RAB30: variants seen among roughly 807,000 people sequenced by gnomAD.
RAB30 encodes the protein RAB30, member RAS oncogene family.
In RAB30, 9 loss-of-function variants were observed where a neutral mutation model predicts 25.1. The observed-to-expected ratio is 0.36, with a 90% CI of 0.22 to 0.63. The LOEUF (loss-of-function observed/expected upper bound fraction) is 0.63, where lower values mean the gene tolerates loss of function less well. Ranked by LOEUF, RAB30 falls within the 20% of genes least tolerant of loss-of-function variation. The probability of loss-of-function intolerance (pLI) is 0.69; values close to 1 mark genes in which losing one functional copy is unlikely to be tolerated. For synonymous variants in RAB30, 77 were observed against 86.4 expected (o/e 0.89, Z 0.60); for missense variants, 140 against 243.5 (o/e 0.58, Z 2.83).
intron 1 of RAB30, among the ~76,000 whole-genome samples, chr11:83,043,138 A>T (rs1858164215): frequency 1.3e-5 from 2 of 152,202 alleles, no homozygotes; most frequent in Non-Finnish European, 2.9e-5. Flanking sequence ...AAAAGATTGC[A>T]GAAGTGATGC....
intron 1 of RAB30, among the ~76,000 whole-genome samples, chr11:83,001,410 C>T (rs1021024721): frequency 1.3e-5 from 2 of 152,142 alleles, no homozygotes; most frequent in African/African-American, 2.4e-5. Context: ...GAACTCCTGG[C>T]CTCAATCAGT....
chr11:83,070,196 C>A (rs1330425131), intron 1 of RAB30, among the ~76,000 whole-genome samples: 1 of 152,110 alleles, frequency 6.6e-6, no homozygotes, highest in Non-Finnish European at 1.5e-5. Flanking sequence ...AAGAGCAGAG[C>A]GTCATCAACA....
Position 82,979,448 on chromosome 11 carries a change from T to C in RAB30, c.*2717A>G, listed in dbSNP as rs1034495973. ...ATTTTTATCTAAAGAAGGCTCATCT[T>C]AGCAAATATTGCCATGACAATAAGA... On this transcript the variant is annotated 3_prime_UTR_variant, in exon 5 of 5. Transcript: ENST00000527633. The C allele has an allele frequency of 2.6e-5, 4 of 152,184 alleles. No homozygotes were observed. The highest frequency in any genetic ancestry group is 7.2e-5 in the African/African-American group (3 of 41,446). 9.4% of individuals were successfully genotyped at this position (152,184 alleles called of 1,614,324 possible).
chr11:83,055,907 CT>C (rs35689722), intron 1 of RAB30, among the ~76,000 whole-genome samples: 52,791 of 152,084 alleles, frequency 0.35, 9,349 homozygotes, highest in Admixed American at 0.38. Context: ...GGATCTTGGA[CT>C]TTTCCAGCCT....
At chr11:83,063,905 A>G (rs2121521411) in intron 1 of RAB30, among the ~76,000 whole-genome samples, 1 of 152,336 alleles carries the variant, frequency 6.6e-6, no homozygotes. Flanking sequence ...ATGCAAATAC[A>G]TGGGGGAAAT....
chr11:83,054,978 T>C (rs1858428065), intron 1 of RAB30, among the ~76,000 whole-genome samples: 1 of 152,162 alleles, frequency 6.6e-6, no homozygotes, highest in Admixed American at 6.5e-5. Flanking sequence ...TTGACTGTAG[T>C]TCAAAAGCAG....
intron 1 of RAB30, among the ~76,000 whole-genome samples, chr11:83,069,950 T>C (rs1051275572): frequency 2.0e-5 from 3 of 152,184 alleles, no homozygotes. Context: ...ATTCACATAG[T>C]CTACATCCAC....
At chr11:83,048,465 T>A (rs2121517435) in intron 1 of RAB30, among the ~76,000 whole-genome samples, 1 of 138,026 alleles carries the variant, frequency 7.2e-6, no homozygotes, top group East Asian at 2.0e-4. Flanking sequence ...TGAGACACTG[T>A]CTCAAAAAAA....
At chr11:83,023,933 G>A (rs1364573258) in intron 1 of RAB30, among the ~76,000 whole-genome samples, 2 of 152,086 alleles carry the variant, frequency 1.3e-5, no homozygotes, top group Non-Finnish European at 2.9e-5. Flanking sequence ...CCATACAGAG[G>A]TCAGAGTCTC....
chr11:83,027,566 C>T (rs1470121719), intron 1 of RAB30, among the ~76,000 whole-genome samples: 1 of 152,118 alleles, frequency 6.6e-6, no homozygotes, highest in African/African-American at 2.4e-5. Context: ...TAATTATCTC[C>T]ATTCTGTATT....
intron 1 of RAB30, among the ~76,000 whole-genome samples, chr11:83,067,687 T>C (rs1361965526): frequency 6.6e-6 from 1 of 152,154 alleles, no homozygotes; most frequent in Non-Finnish European, 1.5e-5. Context: ...ATCTTATCAA[T>C]TACAATTTTC....
At chr11:83,011,951 ACTAT>A (rs1311557431) in intron 1 of RAB30, among the ~76,000 whole-genome samples, 1 of 152,188 alleles carries the variant, frequency 6.6e-6, no homozygotes, top group African/African-American at 2.4e-5. Flanking sequence ...AGGGAAAAAC[ACTAT>A]CTAAGCAACG....
At chr11:83,057,213 T>C (rs1858475587) in intron 1 of RAB30, among the ~76,000 whole-genome samples, 1 of 152,128 alleles carries the variant, frequency 6.6e-6, no homozygotes, top group African/African-American at 2.4e-5. Flanking sequence ...TTTTTTTTTT[T>C]TTAGTGCTAA....
chr11:83,055,313 T>C (rs1195661818), intron 1 of RAB30, among the ~76,000 whole-genome samples: 1 of 152,236 alleles, frequency 6.6e-6, no homozygotes, highest in East Asian at 1.9e-4. Flanking sequence ...GGTTTAGACT[T>C]TGCTTTCAGG....
rs1856618339 is a variant in RAB30, at chr11:82,980,471, A to C, written c.*1694T>G. The C allele has an allele frequency of 6.6e-6, 1 of 152,360 alleles. No individual in the cohort carries two copies. The highest frequency in any genetic ancestry group is 2.1e-4 in the South Asian group (1 of 4,826). 9.4% of individuals were successfully genotyped at this position (152,360 alleles called of 1,614,324 possible). On this transcript the variant is annotated 3_prime_UTR_variant, in exon 5 of 5. Transcript: ENST00000527633. Reference sequence around the variant, plus strand: ...ATGTCTCTACATGACTAATTTCTTTACAATTAAATAGCTTTCAAACATCAA... The same window carrying C: ...ATGTCTCTACATGACTAATTTCTTTCCAATTAAATAGCTTTCAAACATCAA...
At chr11:83,069,919 C>A (rs1421020644) in intron 1 of RAB30, among the ~76,000 whole-genome samples, 1 of 152,156 alleles carries the variant, frequency 6.6e-6, no homozygotes, top group Non-Finnish European at 1.5e-5. Context: ...AAATTCTCTT[C>A]AAAGAGGATT....
intron 4 of RAB30, among the ~76,000 whole-genome samples, chr11:82,985,119 T>C (rs1353888529): frequency 6.6e-6 from 1 of 152,106 alleles, no homozygotes; most frequent in African/African-American, 2.4e-5. Context: ...ATTACAGGCA[T>C]GCTTGGCTAA....
chr11:82,976,459 C>T lies in RAB30; in HGVS notation c.*5706G>A, dbSNP rs1856546986. The T allele has an allele frequency of 6.6e-6, 1 of 152,048 alleles. No homozygotes were observed. The highest frequency in any genetic ancestry group is 1.5e-5 in the Non-Finnish European group (1 of 68,022). The allele number at this position is 152,048 out of a possible 1,614,324, so 9.4% of individuals were successfully genotyped here. A position where few individuals can be genotyped will look rare whatever the true frequency, so the allele number is the denominator to read the frequency against. ...TCCTCACACCTAAACTAGTGTTTCC[C>T]CTTCTATATAACTCCCCACATCACT... On this transcript the variant is annotated 3_prime_UTR_variant, in exon 5 of 5. Transcript: ENST00000527633.
intron 1 of RAB30, among the ~76,000 whole-genome samples, chr11:83,055,766 T>C (rs541307914): frequency 8.5e-5 from 13 of 152,270 alleles, no homozygotes; most frequent in African/African-American, 3.1e-4. Flanking sequence ...AAGGGGTGAG[T>C]TGTCCTTCTG....
Sources: allele counts gnomAD v4.1 joint callset (sites outside exome capture counted in the v4.1 genomes callset), GRCh38; gene constraint gnomAD v4.1.1; transcripts MANE v1.5; gene names NCBI Gene and HGNC (gene_info 2026-07-23, HGNC 2026-07-21).